Variants in DIS3 observed in about 807,000 individuals in gnomAD.
DIS3 encodes exosome complex exonuclease RRP44.
DIS3 carries 103 observed loss-of-function variants against 113.0 expected under a neutral mutation model. The ratio of observed to expected loss-of-function variants is 0.91; its 90% CI spans 0.78 to 1.07. The LOEUF (loss-of-function observed/expected upper bound fraction) is 1.07, where lower values mean the gene tolerates loss of function less well. Among genes scored for constraint, DIS3 ranks in the 50% least tolerant of loss-of-function variants. The probability of loss-of-function intolerance (pLI) is 0.00; values close to 1 mark genes in which losing one functional copy is unlikely to be tolerated. For missense variants in DIS3, 1,121 were observed against 1,167.1 expected (o/e 0.96, Z 0.58); for synonymous variants, 402 against 394.3 (o/e 1.02, Z -0.23).
At chr13:72,760,806 C>G (rs1453531442) in intron 19 of DIS3, among the ~76,000 whole-genome samples, 155 bp from the exon 20 acceptor site, 1 of 152,104 alleles carries the variant, frequency 6.6e-6, no homozygotes, top group African/African-American at 2.4e-5. Flanking sequence ...ACCTAGTAGT[C>G]TCATATAAAT....
rs755582111 is a variant in DIS3, at chr13:72,772,663, T to C, written c.1386+30A>G. The C allele has an allele frequency of 6.3e-6, 10 of 1,579,302 alleles. No homozygotes were observed. In the African/African-American group the frequency reaches 9.6e-5, roughly 15 times the overall value. On this transcript the variant is annotated intron_variant, in intron 9 of 20. Transcript: ENST00000377767. ...AAACTAGGCAGGATATAATAATTTATAAAGTCACTACAAATTACTTTCAAC... is the reference window on the plus strand; with the variant it reads ...AAACTAGGCAGGATATAATAATTTACAAAGTCACTACAAATTACTTTCAAC...
chr13:72,775,295 C>G lies in DIS3; in HGVS notation c.903G>C (p.Gln301His), dbSNP rs767662628. ...IVAVELLPKS[Q>H]WVAPSSVVLH... is the part of the protein sequence containing the mutation. The stretch of plus-strand genomic sequence containing the variant: ...AAACCACAGAAGATGGTGCTACCCA[C>G]TGACTCTTGGGGAGAAGCTCCACAG... The change falls in exon 6 of 21, where the codon CAG becomes CAC. Residue 301 changes from glutamine to histidine, a missense_variant. By Grantham distance (24) the Gln-to-His change is conservative. Around this residue, in one of 3 missense-constraint regions of DIS3, gnomAD observed 861 missense variants for 915.5 expected, o/e 0.94. Transcript: ENST00000377767. The G allele has an allele frequency of 1.9e-6, 3 of 1,613,702 alleles. No homozygotes were observed. The Admixed American group carries it at 5.0e-5, about 27-fold the overall frequency.
chr13:72,769,181 T>A lies in DIS3; in HGVS notation c.1756-269A>T, dbSNP rs531059871. On this transcript the variant is annotated intron_variant, in intron 13 of 20. Transcript: ENST00000377767. ...GCAAATAAACTTTAAACTTTACTTGTATATTCCAATTACTGTATAAATACC... is the reference window on the plus strand; with the variant it reads ...GCAAATAAACTTTAAACTTTACTTGAATATTCCAATTACTGTATAAATACC... Among the ~76,000 whole-genome samples the A allele has an allele frequency of 3.9e-5, 6 of 152,368 alleles. No individual in the cohort carries two copies. The South Asian group carries it at 1.0e-3, about 26-fold the overall frequency.
intron 2 of DIS3, among the ~76,000 whole-genome samples, chr13:72,780,325 CAAAAAAAAAAAAAAA>C (rs397851597): frequency 1.8e-5 from 1 of 55,384 alleles, no homozygotes; most frequent in Non-Finnish European, 3.1e-5. Context: ...GACTCCATCT[CAAAAAAAAAAAAAAA>C]AAAAAAAAAA....
chr13:72,766,078 A>G lies in DIS3; in HGVS notation c.1884-20T>C, dbSNP rs758515673. 3.3e-4 allele frequency: 518 copies of G among 1,573,196 alleles called. No homozygotes were observed. Among genetic ancestry groups the G allele is most frequent in the Non-Finnish European group, 4.1e-4 (475 of 1,161,020 alleles). ...AAAGCCCTACATAAAAATTAAAGAG[A>G]AAAATTATAGTCAAGCAAGCCAATA... On this transcript the variant is annotated intron_variant, in intron 14 of 20. Coordinates refer to ENST00000377767, the MANE Select transcript of DIS3 (RefSeq NM_014953.5).
Position 72,772,715 on chromosome 13 carries a change from A to C in DIS3, c.1364T>G (p.Met455Arg), listed in dbSNP as rs1566247373. ...SQAVLSFLPK[M>R]PWSITEKDMK... is the part of the protein sequence containing the mutation. ...TACCTTTTCAGTAATGCTCCAGGGCATCTTTGGCAGAAAACTAAGAACAGC... is the reference window on the plus strand; with the variant it reads ...TACCTTTTCAGTAATGCTCCAGGGCCTCTTTGGCAGAAAACTAAGAACAGC... Residue 455 changes from methionine (M) to arginine (R), a missense_variant, in exon 9 of 21, where the codon ATG becomes AGG. Coordinates refer to ENST00000377767, the MANE Select transcript of DIS3 (RefSeq NM_014953.5). 6 of 1,611,690 alleles carry C rather than the reference A, an allele frequency of 3.7e-6. No individual in the cohort carries two copies. Among genetic ancestry groups the C allele is most frequent in the Non-Finnish European group, 8.5e-7 (1 of 1,179,488 alleles).
At position 72,753,316 on chromosome 13, in the gene DIS3, C is replaced by CAT. The variant is rs1048903605; in HGVS notation, c.*6477_*6478dup. ...ATATAATCCACTTTTTTAAAGGCAG[C>CAT]ATGCCTCAAGCCATTTAGAGACAAG... On this transcript the variant is annotated 3_prime_UTR_variant, in exon 21 of 21. Transcript: ENST00000377767. The CAT allele has an allele frequency of 1.8e-5, 3 of 162,978 alleles. No homozygotes were observed. Among genetic ancestry groups the CAT allele is most frequent in the African/African-American group, 7.2e-5 (3 of 41,648 alleles). 10.1% of individuals were successfully genotyped at this position (162,978 alleles called of 1,614,324 possible).
chr13:72,761,068 C>T (rs2033611249), intron 19 of DIS3, among the ~76,000 whole-genome samples: 1 of 151,890 alleles, frequency 6.6e-6, no homozygotes, highest in South Asian at 2.1e-4. Context: ...AAAGTTCCTT[C>T]CCCGAGTTAT....
intron 3 of DIS3, 118 bp from the exon 4 acceptor site, chr13:72,777,611 AG>A: frequency 1.2e-6 from 1 of 831,804 alleles, no homozygotes. Flanking sequence ...AGACACACTG[AG>A]AGTCTCACTC....
intron 4 of DIS3, 55 bp downstream of exon 4, chr13:72,777,364 AT>A: frequency 6.5e-7 from 1 of 1,549,686 alleles, no homozygotes. Flanking sequence ...TATGCCTAAT[AT>A]TCCAAAGTGG....
rs1002756468 is a variant in DIS3 at position 72,759,054 on chromosome 13, A to G, written c.*741T>C. The G allele has an allele frequency of 1.1e-5, 1 of 92,108 alleles. No homozygotes were observed. The highest frequency in any genetic ancestry group is 7.1e-5 in the African/African-American group (1 of 14,128). 5.7% of individuals were successfully genotyped at this position (92,108 alleles called of 1,614,324 possible). A position where few individuals can be genotyped will look rare whatever the true frequency, so the allele number is the denominator to read the frequency against. Reference sequence around the variant, plus strand: ...ATATAACTACAATTTAAAAGCCACTAATTAATCTGTTTTTTATTTTGTAAG... The same window carrying G: ...ATATAACTACAATTTAAAAGCCACTGATTAATCTGTTTTTTATTTTGTAAG... On this transcript the variant is annotated 3_prime_UTR_variant, in exon 21 of 21. Transcript: ENST00000377767.
rs1219674116 is a variant in DIS3, at chr13:72,752,555, T to C, written c.*7240A>G. Reference sequence around the variant, plus strand: ...GCATTATAAGCCAGCTATTTGGCAGTGATGAATATTAGAAGGAAGAGCTAT... The same window carrying C: ...GCATTATAAGCCAGCTATTTGGCAGCGATGAATATTAGAAGGAAGAGCTAT... On this transcript the variant is annotated 3_prime_UTR_variant, in exon 21 of 21. Coordinates refer to ENST00000377767, the MANE Select transcript of DIS3 (RefSeq NM_014953.5). 1 of 152,198 alleles carries C rather than the reference T, an allele frequency of 6.6e-6. No homozygotes were observed. The highest frequency in any genetic ancestry group is 1.5e-5 in the Non-Finnish European group (1 of 68,042). The allele number at this position is 152,198 out of a possible 1,614,324, so 9.4% of individuals were successfully genotyped here. A position where few individuals can be genotyped will look rare whatever the true frequency, so the allele number is the denominator to read the frequency against.
In DIS3 at chr13:72,781,861, C is replaced by T; in HGVS notation, c.-29G>A. The T allele has an allele frequency of 1.3e-6, 2 of 1,512,216 alleles. No individual in the cohort carries two copies. Among genetic ancestry groups the T allele is most frequent in the Non-Finnish European group, 1.8e-6 (2 of 1,123,422 alleles). The allele number at this position is 1,512,216 out of a possible 1,614,324, so 93.7% of individuals were successfully genotyped here. A position where few individuals can be genotyped will look rare whatever the true frequency, so the allele number is the denominator to read the frequency against. On this transcript the variant is annotated 5_prime_UTR_variant, in exon 1 of 21. Transcript: ENST00000377767. ...GCCTCGCCGCGCAGAATCCTAACCC[C>T]AGCAGCGCTCTTCCAGCAAAAGGCG...
At chr13:72,776,295 T>C (rs1440843603) in intron 4 of DIS3, among the ~76,000 whole-genome samples, 2 of 152,184 alleles carry the variant, frequency 1.3e-5, no homozygotes, top group Non-Finnish European at 2.9e-5. Flanking sequence ...TTTTGCGATC[T>C]CTAATATGGT....
In DIS3 at chr13:72,763,464, G is replaced by A; in HGVS notation, c.2114C>T (p.Ala705Val). ...GTAGGACCTTACCCTTGACCTGGCT[G>A]CCTTAACAAGAATTTCATAATTTGA... ...PPSNYEILVK[A>V]ARSRNLEIKT... The change falls in exon 16 of 21, where the codon GCA becomes GTA. Residue 705 changes from alanine (A) to valine (V), a missense_variant. This residue lies in a region of DIS3 where 861 missense variants were observed against 915.5 expected (regional missense o/e 0.94). Transcript: ENST00000377767. 1.2e-6 allele frequency: 2 copies of A among 1,613,250 alleles called. No individual in the cohort carries two copies. The highest frequency in any genetic ancestry group is 1.7e-6 in the Non-Finnish European group (2 of 1,179,836).
At chr13:72,774,259 A>G (rs555122225) in intron 6 of DIS3, among the ~76,000 whole-genome samples, 200 bp from the exon 7 acceptor site, 17 of 152,304 alleles carry the variant, frequency 1.1e-4, no homozygotes, top group Non-Finnish European at 1.9e-4. Context: ...TCTCTTGATA[A>G]TAAAGTACTA....
At chr13:72,775,433 G>C in intron 5 of DIS3, 58 bp from the exon 6 acceptor site, 1 of 1,499,880 alleles carries the variant, frequency 6.7e-7, no homozygotes, top group East Asian at 2.4e-5. Flanking sequence ...ATATAATAAA[G>C]GGAAGATCAT....
At position 72,752,876 on chromosome 13, in the gene DIS3, TAAA is replaced by T. The variant is rs1474118207; in HGVS notation, c.*6916_*6918del. Reference sequence around the variant, plus strand: ...CTGATCCTAACTTGCAGGGAGGGCTTAAATGCAAAATGATTCCCTTGTGGATTG... The same window carrying T: ...CTGATCCTAACTTGCAGGGAGGGCTTTGCAAAATGATTCCCTTGTGGATTG... On this transcript the variant is annotated 3_prime_UTR_variant, in exon 21 of 21. Transcript: ENST00000377767. The T allele has an allele frequency of 2.0e-5, 3 of 152,162 alleles. No homozygotes were observed. Among genetic ancestry groups the T allele is most frequent in the African/African-American group, 7.2e-5 (3 of 41,390 alleles). 9.4% of individuals were successfully genotyped at this position (152,162 alleles called of 1,614,324 possible). A position where few individuals can be genotyped will look rare whatever the true frequency, so the allele number is the denominator to read the frequency against.
Position 72,760,626 on chromosome 13 carries a change from G to T in DIS3, c.2696C>A (p.Thr899Lys). The change falls in exon 20 of 21, where the codon ACA (threonine) becomes AAA (lysine). Residue 899 changes from threonine to lysine, a missense_variant. By Grantham distance (78) the Thr-to-Lys change is moderately conservative. This residue lies in a region of DIS3 where 861 missense variants were observed against 915.5 expected (regional missense o/e 0.94). Transcript: ENST00000377767. The stretch of plus-strand genomic sequence containing the variant: ...AACTTTATCAAATACATGGAACACT[G>T]TATCTTCTATTTTAAGTGAGGGTAT... ...DEIPSLKIED[T>K]VFHVFDKVKV... 3 of 1,612,768 alleles carry T rather than the reference G, an allele frequency of 1.9e-6. No homozygotes were observed. The highest frequency in any genetic ancestry group is 1.7e-6 in the Non-Finnish European group (2 of 1,179,166).
Sources: allele counts gnomAD v4.1 joint callset (sites outside exome capture counted in the v4.1 genomes callset), GRCh38; gene constraint gnomAD v4.1.1; regional missense constraint gnomAD v4.1.1; transcripts MANE v1.5; gene names NCBI Gene and HGNC (gene_info 2026-07-23, HGNC 2026-07-21).